The following MINDY3 variants were observed in gnomAD, a reference collection of about 807,000 sequenced individuals.
The protein encoded by MINDY3 is MINDY lysine 48 deubiquitinase 3.
In MINDY3, 38 loss-of-function variants were observed where a neutral mutation model predicts 69.2. The ratio of observed to expected loss-of-function variants is 0.55; its 90% CI spans 0.42 to 0.72. MINDY3 has a LOEUF of 0.72. Among genes scored for constraint, MINDY3 ranks in the 30% least tolerant of loss-of-function variants. MINDY3 has a pLI of 0.00. For synonymous variants in MINDY3, 192 were observed against 180.1 expected (o/e 1.07, Z -0.53); for missense variants, 522 against 519.0 (o/e 1.01, Z -0.06).
intron 10 of MINDY3, among the ~76,000 whole-genome samples, chr10:15,805,939 C>T (rs1838608588): frequency 6.6e-6 from 1 of 151,954 alleles, no homozygotes; most frequent in South Asian, 2.1e-4. Flanking sequence ...CCAGTACAGC[C>T]AAAAAGAGGG....
intron 2 of MINDY3, among the ~76,000 whole-genome samples, chr10:15,846,185 T>C (rs938656892): frequency 2.0e-5 from 3 of 152,162 alleles, no homozygotes; most frequent in African/African-American, 7.2e-5. Context: ...ATTTTGAATA[T>C]AACCATCATT....
At chr10:15,847,614 T>C (rs1023369541) in intron 2 of MINDY3, among the ~76,000 whole-genome samples, 4 of 152,198 alleles carry the variant, frequency 2.6e-5, no homozygotes, top group African/African-American at 7.2e-5. Flanking sequence ...TTCCTAATTT[T>C]CTGAAAGTCA....
intron 1 of MINDY3, among the ~76,000 whole-genome samples, chr10:15,854,141 A>G (rs1218564047): frequency 6.6e-6 from 1 of 152,170 alleles, no homozygotes; most frequent in Non-Finnish European, 1.5e-5. Context: ...ATGGATTTCA[A>G]TTTAACAGAG....
chr10:15,819,733 C>G (rs1445954681), intron 9 of MINDY3, among the ~76,000 whole-genome samples: 6 of 152,174 alleles, frequency 3.9e-5, no homozygotes, highest in Admixed American at 1.3e-4. Context: ...TTGCCTTTCA[C>G]CTATCCAAGT....
chr10:15,795,787 A>G (rs561183455), intron 11 of MINDY3, among the ~76,000 whole-genome samples: 368 of 152,160 alleles, frequency 2.4e-3, no homozygotes, highest in Non-Finnish European at 3.2e-3. Flanking sequence ...TTGGATAAGT[A>G]AAGAAGAAAA....
intron 12 of MINDY3, among the ~76,000 whole-genome samples, chr10:15,787,350 G>T (rs1837050051): frequency 1.3e-5 from 2 of 152,160 alleles, no homozygotes; most frequent in South Asian, 4.1e-4. Context: ...AAGGCAGACT[G>T]CAGTTTAATG....
intron 10 of MINDY3, among the ~76,000 whole-genome samples, chr10:15,807,788 A>G (rs927785990): frequency 2.6e-5 from 4 of 152,204 alleles, no homozygotes; most frequent in Non-Finnish European, 4.4e-5. Flanking sequence ...CTGAGAAGTA[A>G]TAAGTAAAAG....
At chr10:15,789,398 G>A (rs995467420) in intron 11 of MINDY3, 79 bp from the exon 12 acceptor site, 5 of 1,087,220 alleles carry the variant, frequency 4.6e-6, no homozygotes, top group South Asian at 1.4e-5. Flanking sequence ...CAGGTTCCAG[G>A]AAAAAAAAAT....
At chr10:15,857,411 T>C (rs1259459810) in intron 1 of MINDY3, among the ~76,000 whole-genome samples, 2 of 152,210 alleles carry the variant, frequency 1.3e-5, no homozygotes, top group Non-Finnish European at 1.5e-5. Flanking sequence ...TGCTACGTTA[T>C]ATTTACTGTT....
chr10:15,796,179 A>T lies in MINDY3; in HGVS notation c.883-7T>A, dbSNP rs990226907. On this transcript the variant is annotated splice_polypyrimidine_tract_variant and splice_region_variant and intron_variant, in intron 10 of 14. Transcript: ENST00000277632. The stretch of plus-strand genomic sequence containing the variant: ...GGGCAACTAAAGCCATATCCTGAAA[A>T]GATAAGAAGCATGTTGTCAACCAGC... 2.0e-5 allele frequency: 32 copies of T among 1,611,544 alleles called. No individual in the cohort carries two copies. Among genetic ancestry groups the T allele is most frequent in the Non-Finnish European group, 2.6e-5 (31 of 1,178,054 alleles).
At chr10:15,817,436 T>C (rs1839449981) in intron 9 of MINDY3, 1 of 152,538 alleles carries the variant, frequency 6.6e-6, no homozygotes, top group African/African-American at 2.4e-5. Context: ...CTCTTCATGA[T>C]AGAAGGTAGG....
chr10:15,853,733 T>C (rs1232406471), intron 1 of MINDY3, among the ~76,000 whole-genome samples: 6 of 143,702 alleles, frequency 4.2e-5, no homozygotes, highest in Non-Finnish European at 6.2e-5. Context: ...CTGAACCAGC[T>C]ACTTTTTTTT....
At chr10:15,791,168 T>G (rs927201784) in intron 11 of MINDY3, among the ~76,000 whole-genome samples, 1 of 152,254 alleles carries the variant, frequency 6.6e-6, no homozygotes, top group East Asian at 1.9e-4. Context: ...TAGAATTTTC[T>G]CAATAATTCA....
chr10:15,782,122 G>A (rs369350483), intron 14 of MINDY3, 33 bp downstream of exon 14: 26 of 1,485,236 alleles, frequency 1.8e-5, no homozygotes, highest in Non-Finnish European at 2.3e-5. Flanking sequence ...CATCAACCCA[G>A]TTGAACACCG....
chr10:15,797,848 T>G (rs193227968), intron 10 of MINDY3, among the ~76,000 whole-genome samples: 10 of 152,250 alleles, frequency 6.6e-5, no homozygotes, highest in African/African-American at 1.4e-4. Flanking sequence ...TCCCAAACCT[T>G]AGTTGCAGAT....
At chr10:15,807,519 A>G (rs1237463841) in intron 10 of MINDY3, among the ~76,000 whole-genome samples, 1 of 152,122 alleles carries the variant, frequency 6.6e-6, no homozygotes, top group Non-Finnish European at 1.5e-5. Flanking sequence ...TTAACCATAC[A>G]AGACCTTTTT....
chr10:15,782,302 T>C (rs1836606828), intron 13 of MINDY3, 76 bp from the exon 14 acceptor site: 17 of 992,852 alleles, frequency 1.7e-5, no homozygotes, highest in Non-Finnish European at 2.1e-5. Flanking sequence ...GAAAGTAAAA[T>C]GCATGTTTCT....
chr10:15,823,568 GT>G (rs1487947283), intron 8 of MINDY3, among the ~76,000 whole-genome samples: 1 of 151,848 alleles, frequency 6.6e-6, no homozygotes, highest in Non-Finnish European at 1.5e-5. Context: ...AGTATATTTT[GT>G]TTTTTTCTAA....
At chr10:15,807,337 G>A (rs898607879) in intron 10 of MINDY3, among the ~76,000 whole-genome samples, 1 of 152,176 alleles carries the variant, frequency 6.6e-6, no homozygotes, top group East Asian at 1.9e-4. Context: ...GGAGCAACAA[G>A]AGAGTAGGAG....
Sources: allele counts gnomAD v4.1 joint callset (sites outside exome capture counted in the v4.1 genomes callset), GRCh38; gene constraint gnomAD v4.1.1; transcripts MANE v1.5; gene names NCBI Gene and HGNC (gene_info 2026-07-23, HGNC 2026-07-21).